Variants in MRPS35 observed in about 807,000 individuals in gnomAD.
MRPS35 encodes mitochondrial ribosomal protein S35.
A neutral mutation model predicts 32.7 loss-of-function variants in MRPS35; 29 were observed. The ratio of observed to expected loss-of-function variants is 0.89; its 90% CI spans 0.66 to 1.21. MRPS35 has a LOEUF of 1.21. Among genes scored for constraint, MRPS35 ranks in the 50% most tolerant of loss-of-function variants. The probability of loss-of-function intolerance (pLI) is 0.00; values close to 1 mark genes in which losing one functional copy is unlikely to be tolerated. For synonymous variants in MRPS35, 148 were observed against 139.3 expected (o/e 1.06, Z -0.44); for missense variants, 373 against 383.8 (o/e 0.97, Z 0.23).
At chr12:27,737,951 C>A (rs946016376) in intron 7 of MRPS35, among the ~76,000 whole-genome samples, 2 of 151,968 alleles carry the variant, frequency 1.3e-5, no homozygotes, top group Admixed American at 1.3e-4. Context: ...ATAATTCATC[C>A]TCTTTAAATA....
chr12:27,716,707 G>A (rs2061852574), intron 3 of MRPS35, among the ~76,000 whole-genome samples: 1 of 152,308 alleles, frequency 6.6e-6, no homozygotes, highest in Admixed American at 6.5e-5. Context: ...TAATTAGTTG[G>A]CTGGGCGCAG....
chr12:27,752,131 T>C (rs948687842), intron 7 of MRPS35, among the ~76,000 whole-genome samples: 1 of 151,500 alleles, frequency 6.6e-6, no homozygotes, highest in Non-Finnish European at 1.5e-5. Flanking sequence ...ACCTTAGTCA[T>C]AGTCCAGCTA....
At position 27,723,906 on chromosome 12, in the gene MRPS35, A is replaced by T. The variant is rs755542360; in HGVS notation, c.383-141A>T. ...AGGAAAAGGGATAAGGGATGATGCT[A>T]TATATGTAAAGTGCAGAAGAGAATC... On this transcript the variant is annotated intron_variant, in intron 4 of 7. Coordinates refer to ENST00000081029, the MANE Select transcript of MRPS35 (RefSeq NM_021821.4). 4.2e-6 allele frequency: 3 copies of T among 714,650 alleles called. No individual in the cohort carries two copies. The African/African-American group carries it at 5.6e-5, about 13-fold the overall frequency. 44.3% of individuals were successfully genotyped at this position (714,650 alleles called of 1,614,324 possible). A position where few individuals can be genotyped will look rare whatever the true frequency, so the allele number is the denominator to read the frequency against.
intron 1 of MRPS35, 98 bp downstream of exon 1, chr12:27,711,053 CGGG>C: frequency 8.9e-7 from 1 of 1,120,094 alleles, no homozygotes; most frequent in East Asian, 2.6e-5. Flanking sequence ...CAGCGCCGCC[CGGG>C]GGAGGCCAGT....
chr12:27,723,411 G>A (rs2061885170), intron 4 of MRPS35, among the ~76,000 whole-genome samples: 1 of 151,994 alleles, frequency 6.6e-6, no homozygotes, highest in African/African-American at 2.4e-5. Context: ...ATGCTCTCTT[G>A]CCCAAATATG....
intron 7 of MRPS35, among the ~76,000 whole-genome samples, chr12:27,745,719 C>T (rs1310052500): frequency 6.6e-6 from 1 of 151,970 alleles, no homozygotes; most frequent in African/African-American, 2.4e-5. Context: ...TCCCTTCCCC[C>T]TGCCCCCCAC....
chr12:27,712,102 A>G (rs1186774030), intron 1 of MRPS35, among the ~76,000 whole-genome samples: 3 of 152,064 alleles, frequency 2.0e-5, no homozygotes, highest in African/African-American at 7.2e-5. Flanking sequence ...GTCAGGAAAG[A>G]TCTTTCTGAG....
chr12:27,723,461 C>A (rs1225697181), intron 4 of MRPS35, among the ~76,000 whole-genome samples: 2 of 152,264 alleles, frequency 1.3e-5, no homozygotes, highest in Non-Finnish European at 2.9e-5. Context: ...CCCATTGGCA[C>A]ATAGAAGTCA....
At chr12:27,736,193 C>G (rs895029480) in intron 6 of MRPS35, among the ~76,000 whole-genome samples, 4 of 152,176 alleles carry the variant, frequency 2.6e-5, no homozygotes, top group Non-Finnish European at 2.9e-5. Context: ...GTGGGCCGAT[C>G]TGCTGTCTTC....
chr12:27,710,926 C>T lies in MRPS35; in HGVS notation c.83C>T (p.Ser28Leu), dbSNP rs140355712. The T allele has an allele frequency of 3.5e-4, 572 of 1,613,288 alleles. 10 individuals are homozygous for T. In the Admixed American group the frequency reaches 9.3e-3, roughly 26 times the overall value. The change falls in exon 1 of 8, where the codon TCG (serine) becomes TTG (leucine). Residue 28 changes from serine to leucine, a missense_variant. Physicochemically the swap from Ser to Leu is moderately radical, Grantham distance 145 (BLOSUM62 -2). Transcript: ENST00000081029. ...TLRAFSTAVY[S>L]ATPVPTPSLP... ...CGTGCATTCTCCACTGCCGTCTACT[C>T]GGCCACTCCGGTCCCGACACCTAGC...
intron 4 of MRPS35, among the ~76,000 whole-genome samples, chr12:27,722,702 A>G (rs943880760): frequency 2.0e-5 from 3 of 152,204 alleles, no homozygotes; most frequent in Non-Finnish European, 4.4e-5. Flanking sequence ...TTTCAATGTT[A>G]CAATGATGTT....
At chr12:27,738,254 T>TA (rs2061950065) in intron 7 of MRPS35, among the ~76,000 whole-genome samples, 2 of 152,174 alleles carry the variant, frequency 1.3e-5, no homozygotes, top group African/African-American at 4.8e-5. Flanking sequence ...TTTATACACA[T>TA]AGCCTAAAGG....
rs2061818434 is a variant in MRPS35, at chr12:27,711,042, C to T, written c.112+87C>T. On this transcript the variant is annotated intron_variant, in intron 1 of 7. Coordinates refer to ENST00000081029, the MANE Select transcript of MRPS35 (RefSeq NM_021821.4). ...CATGAAGGGTGCCGCGGTGGCTGAG[C>T]CAGCGCCGCCCGGGGGAGGCCAGTG... The T allele has an allele frequency of 4.8e-6, 6 of 1,251,524 alleles. 1 individual carries two copies. The highest frequency in any genetic ancestry group is 4.5e-6 in the Non-Finnish European group (4 of 884,748). 77.5% of individuals were successfully genotyped at this position (1,251,524 alleles called of 1,614,324 possible).
intron 7 of MRPS35, among the ~76,000 whole-genome samples, chr12:27,750,777 C>A (rs1565472239): frequency 6.6e-6 from 1 of 152,044 alleles, no homozygotes; most frequent in Non-Finnish European, 1.5e-5. Context: ...TGTGCTCCAG[C>A]CTAAGTGACA....
intron 7 of MRPS35, among the ~76,000 whole-genome samples, chr12:27,744,318 G>T (rs976248528): frequency 6.6e-5 from 10 of 152,112 alleles, no homozygotes; most frequent in African/African-American, 1.7e-4. Context: ...TTGAGGCTGG[G>T]CGCGGTGGCT....
chr12:27,746,724 G>T (rs7302395), intron 7 of MRPS35, among the ~76,000 whole-genome samples: 2 of 152,040 alleles, frequency 1.3e-5, no homozygotes, highest in South Asian at 2.1e-4. Flanking sequence ...GAAAAACTCA[G>T]GTTCTCCTTC....
In MRPS35 at chr12:27,726,816, A is replaced by G. The variant is rs547576987; in HGVS notation, c.522+2630A>G. Among the ~76,000 whole-genome samples, 12 of 151,920 alleles carry G rather than the reference A, an allele frequency of 7.9e-5. 1 individual carries two copies. Among genetic ancestry groups the G allele is most frequent in the African/African-American group, 2.9e-4 (12 of 41,346 alleles). ...TGTTCATATCCTTTGCCTGTTTTTT[A>G]ATTGGGTTGTTTATCTTTCGATTGT... On this transcript the variant is annotated intron_variant, in intron 5 of 7. Coordinates refer to ENST00000081029, the MANE Select transcript of MRPS35 (RefSeq NM_021821.4).
chr12:27,722,705 A>G (rs1040881120), intron 4 of MRPS35, among the ~76,000 whole-genome samples: 7 of 150,534 alleles, frequency 4.7e-5, no homozygotes, highest in Non-Finnish European at 7.4e-5. Context: ...CAATGTTACA[A>G]TGATGTTAAT....
intron 7 of MRPS35, chr12:27,752,948 T>C (rs1181872856): frequency 6.6e-6 from 1 of 152,222 alleles, no homozygotes; most frequent in African/African-American, 2.4e-5. Context: ...AATGCCTTGT[T>C]CTGCTCTTAC....
Sources: allele counts gnomAD v4.1 joint callset (sites outside exome capture counted in the v4.1 genomes callset), GRCh38; gene constraint gnomAD v4.1.1; transcripts MANE v1.5; gene names NCBI Gene and HGNC (gene_info 2026-07-23, HGNC 2026-07-21).